Variants in PDE7A observed in about 807,000 individuals in gnomAD.
The protein encoded by PDE7A is phosphodiesterase 7A, also known as high affinity 3',5'-cyclic-AMP phosphodiesterase 7A.
In PDE7A, 39 loss-of-function variants were observed where a neutral mutation model predicts 64.3. The ratio of observed to expected loss-of-function variants is 0.61; its 90% CI spans 0.47 to 0.79. The LOEUF is 0.79. PDE7A is among the 30% of genes least tolerant of loss of function. The pLI, the probability that PDE7A is intolerant of heterozygous loss-of-function variation, is 0.00. For synonymous variants in PDE7A, 203 were observed against 206.8 expected (o/e 0.98, Z 0.16); for missense variants, 470 against 582.8 (o/e 0.81, Z 1.99).
intron 5 of PDE7A, among the ~76,000 whole-genome samples, chr8:65,743,291 T>C (rs911762360): frequency 6.6e-6 from 1 of 152,160 alleles, no homozygotes; most frequent in Non-Finnish European, 1.5e-5. Flanking sequence ...TACCTGTATT[T>C]TCAAAAAGGA....
intron 12 of PDE7A, among the ~76,000 whole-genome samples, chr8:65,720,920 CTTA>C (rs767203221): frequency 1.2e-4 from 18 of 152,182 alleles, no homozygotes; most frequent in Non-Finnish European, 2.2e-4. Flanking sequence ...CCACATGGCC[CTTA>C]TTATTATAGG....
chr8:65,804,630 C>T (rs557928437), intron 1 of PDE7A, among the ~76,000 whole-genome samples: 65 of 151,330 alleles, frequency 4.3e-4, no homozygotes, highest in African/African-American at 1.4e-3. Context: ...CTCTGCCTCC[C>T]GGATTCAAGC....
chr8:65,839,683 T>C (rs1421398988), intron 1 of PDE7A, among the ~76,000 whole-genome samples: 5 of 152,212 alleles, frequency 3.3e-5, no homozygotes, highest in Non-Finnish European at 5.9e-5. Flanking sequence ...CAATATTTGC[T>C]TCATCTGCCA....
intron 1 of PDE7A, among the ~76,000 whole-genome samples, chr8:65,832,631 C>T (rs1463050596): frequency 6.6e-6 from 1 of 152,098 alleles, no homozygotes; most frequent in East Asian, 1.9e-4. Flanking sequence ...ACTACAAGCA[C>T]GTGTCACCAT....
In PDE7A at chr8:65,734,928, A is replaced by C. The variant is rs775094902; in HGVS notation, c.596-34T>G. The C allele has an allele frequency of 4.5e-6, 6 of 1,323,218 alleles. No individual in the cohort carries two copies. In the African/African-American group the frequency reaches 8.6e-5, roughly 19 times the overall value. 82.0% of individuals were successfully genotyped at this position (1,323,218 alleles called of 1,614,324 possible). A position where few individuals can be genotyped will look rare whatever the true frequency, so the allele number is the denominator to read the frequency against. On this transcript the variant is annotated intron_variant, in intron 6 of 12. Coordinates refer to ENST00000401827, the MANE Select transcript of PDE7A (RefSeq NM_001242318.3). ...AAGAAAGAGATCCCGATTTTATTGT[A>C]TATGAGCAACATATACAAGGACAAA...
chr8:65,841,952 C>T lies in PDE7A; in HGVS notation c.-444G>A. 1 of 240,196 alleles carries T rather than the reference C, an allele frequency of 4.2e-6. No homozygotes were observed. The highest frequency in any genetic ancestry group is 4.2e-5 in the South Asian group (1 of 23,940). 14.9% of individuals were successfully genotyped at this position (240,196 alleles called of 1,614,324 possible). A position where few individuals can be genotyped will look rare whatever the true frequency, so the allele number is the denominator to read the frequency against. Reference sequence around the variant, plus strand: ...CAGGGCGCGCGGGACTCAGGAGCAGCGACCAGCTCGGGCCGCCGCCGCCGC... The same window carrying T: ...CAGGGCGCGCGGGACTCAGGAGCAGTGACCAGCTCGGGCCGCCGCCGCCGC... On this transcript the variant is annotated 5_prime_UTR_variant, in exon 1 of 13. Transcript: ENST00000401827.
chr8:65,736,204 G>A (rs995252579), intron 6 of PDE7A, among the ~76,000 whole-genome samples: 1 of 152,052 alleles, frequency 6.6e-6, no homozygotes, highest in Non-Finnish European at 1.5e-5. Flanking sequence ...TAAGGGTGAC[G>A]AACACAAGCA....
At chr8:65,771,647 G>C (rs963622360) in intron 3 of PDE7A, among the ~76,000 whole-genome samples, 1 of 151,990 alleles carries the variant, frequency 6.6e-6, no homozygotes, top group African/African-American at 2.4e-5. Context: ...AGGCCAGGGC[G>C]GGCGGATCAC....
intron 1 of PDE7A, among the ~76,000 whole-genome samples, chr8:65,836,208 T>C (rs1810947057): frequency 6.6e-6 from 1 of 152,222 alleles, no homozygotes; most frequent in Non-Finnish European, 1.5e-5. Flanking sequence ...GCAACTATTA[T>C]GCTAACAGTA....
At chr8:65,771,105 A>G in intron 3 of PDE7A, 1 of 316,666 alleles carries the variant, frequency 3.2e-6, no homozygotes, top group South Asian at 2.7e-5. Flanking sequence ...ACATAATAAA[A>G]TGGTTGAGGT....
chr8:65,735,633 G>A (rs1330422845), intron 6 of PDE7A, among the ~76,000 whole-genome samples: 8 of 151,548 alleles, frequency 5.3e-5, no homozygotes, highest in African/African-American at 1.9e-4. Flanking sequence ...TTTGTATGTG[G>A]TTATTTTTGA....
chr8:65,819,271 G>A (rs1282526998), intron 1 of PDE7A, among the ~76,000 whole-genome samples: 3 of 152,204 alleles, frequency 2.0e-5, no homozygotes, highest in Non-Finnish European at 4.4e-5. Flanking sequence ...GGTGGCACAT[G>A]CCTGTGATCC....
chr8:65,799,515 G>C (rs995918837), intron 1 of PDE7A, among the ~76,000 whole-genome samples: 4 of 152,126 alleles, frequency 2.6e-5, no homozygotes, highest in African/African-American at 9.7e-5. Flanking sequence ...CACTCTTCAG[G>C]GAGATCTGTA....
At chr8:65,746,427 T>A (rs763816175) in intron 4 of PDE7A, among the ~76,000 whole-genome samples, 3 of 152,184 alleles carry the variant, frequency 2.0e-5, no homozygotes, top group Admixed American at 6.5e-5. Context: ...TTCTAACTTA[T>A]GGATATGTAT....
intron 1 of PDE7A, among the ~76,000 whole-genome samples, chr8:65,807,577 A>G (rs1810141722): frequency 6.6e-6 from 1 of 152,204 alleles, no homozygotes; most frequent in African/African-American, 2.4e-5. Flanking sequence ...GAATACAAGT[A>G]ACACAAGCAG....
chr8:65,787,535 C>G (rs1283333061), intron 1 of PDE7A, among the ~76,000 whole-genome samples: 3 of 152,150 alleles, frequency 2.0e-5, no homozygotes, highest in African/African-American at 4.8e-5. Context: ...AAATATTGCA[C>G]TGATCTACCA....
At chr8:65,799,918 T>C (rs1338421523) in intron 1 of PDE7A, among the ~76,000 whole-genome samples, 1 of 152,216 alleles carries the variant, frequency 6.6e-6, no homozygotes, top group Non-Finnish European at 1.5e-5. Flanking sequence ...GATAGCTGTT[T>C]TTTGAGACAG....
intron 1 of PDE7A, among the ~76,000 whole-genome samples, chr8:65,820,249 A>C (rs1810508677): frequency 6.6e-6 from 1 of 152,170 alleles, no homozygotes; most frequent in East Asian, 1.9e-4. Flanking sequence ...TACAATAATT[A>C]GCGGGACATG....
intron 1 of PDE7A, among the ~76,000 whole-genome samples, chr8:65,830,443 C>T (rs1810789518): frequency 6.6e-6 from 1 of 151,772 alleles, no homozygotes; most frequent in Admixed American, 6.6e-5. Flanking sequence ...TTTTTAATGA[C>T]CATCTACTAA....
Sources: allele counts gnomAD v4.1 joint callset (sites outside exome capture counted in the v4.1 genomes callset), GRCh38; gene constraint gnomAD v4.1.1; transcripts MANE v1.5; gene names NCBI Gene and HGNC (gene_info 2026-07-23, HGNC 2026-07-21).